The following TEX101 variants were observed in gnomAD, a reference collection of about 807,000 sequenced individuals.
TEX101 encodes testis-expressed protein 101.
TEX101 carries 10 observed loss-of-function variants against 18.1 expected under a neutral mutation model. The ratio of observed to expected loss-of-function variants is 0.55; its 90% confidence interval spans 0.34 to 0.94. The LOEUF (loss-of-function observed/expected upper bound fraction) is 0.94. TEX101 is among the 40% of genes least tolerant of loss of function. TEX101 has a pLI of 0.02. For missense variants in TEX101, 259 were observed against 298.9 expected (o/e 0.87, Z 0.98); for synonymous variants, 94 against 114.8 (o/e 0.82, Z 1.16).
rs1339587262 is a variant in TEX101 at position 43,415,888 on chromosome 19, C to T, written c.-32C>T. On this transcript the variant is annotated 5_prime_UTR_variant, in exon 2 of 6. Coordinates refer to ENST00000598265, the MANE Select transcript of TEX101 (RefSeq NM_001130011.3). ...TCTCCATCAAATTCACAGATCCAGA[C>T]CAGCTCCTCCCAGACCTCTCCAGAA... The T allele has an allele frequency of 6.2e-7, 1 of 1,614,002 alleles. No individual in the cohort carries two copies. The highest frequency in any genetic ancestry group is 1.7e-5 in the Admixed American group (1 of 60,014).
chr19:43,409,300 G>C (rs972230530), intron 3 of TEX101, among the ~76,000 whole-genome samples: 2 of 152,190 alleles, frequency 1.3e-5, no homozygotes, highest in Non-Finnish European at 2.9e-5. Flanking sequence ...GTGATTGGCT[G>C]AGACTCAGCT....
chr19:43,390,935 C>T, the TEX101 span, among the ~76,000 whole-genome samples: 1 of 152,106 alleles, frequency 6.6e-6, no homozygotes, highest in Non-Finnish European at 1.5e-5. Context: ...CTGACAACCA[C>T]CTTTTCATTT....
Position 43,418,532 on chromosome 19 carries a change from T to G in TEX101, c.*135T>G, listed in dbSNP as rs1206408813. The G allele has an allele frequency of 6.0e-5, 42 of 696,942 alleles. No homozygotes were observed. Among genetic ancestry groups the G allele is most frequent in the Non-Finnish European group, 8.3e-5 (35 of 423,284 alleles). The allele number at this position is 696,942 out of a possible 1,614,324, so 43.2% of individuals were successfully genotyped here. On this transcript the variant is annotated 3_prime_UTR_variant, in exon 6 of 6. Coordinates refer to ENST00000598265, the MANE Select transcript of TEX101 (RefSeq NM_001130011.3). ...AGATACTATGAACGTATTTGACATT[T>G]TTAATACAATTTCTGCTATAATTTT...
At chr19:43,413,234 G>A (rs111724957), upstream of TEX101, among the ~76,000 whole-genome samples, 11 of 152,244 alleles carry the variant, frequency 7.2e-5, no homozygotes, top group South Asian at 6.2e-4. Flanking sequence ...TTGGCCAGGC[G>A]TGGTGGCTCA....
At chr19:43,417,372 C>T (rs924919126) in intron 4 of TEX101, among the ~76,000 whole-genome samples, 1 of 152,160 alleles carries the variant, frequency 6.6e-6, no homozygotes, top group African/African-American at 2.4e-5. Context: ...ATGAGTCGTG[C>T]AACTTCTCAC....
rs541688813 is a variant in TEX101 at position 43,418,585 on chromosome 19, A to G, written c.*188A>G. 83 of 569,902 alleles carry G rather than the reference A, an allele frequency of 1.5e-4. 1 individual carries two copies. Among genetic ancestry groups the G allele is most frequent in the Non-Finnish European group, 2.4e-4 (78 of 325,884 alleles). The allele number at this position is 569,902 out of a possible 1,614,324, so 35.3% of individuals were successfully genotyped here. A position where few individuals can be genotyped will look rare whatever the true frequency, so the allele number is the denominator to read the frequency against. Reference sequence around the variant, plus strand: ...TATGCAGTAGGCGTTACTAATAAACATTTCTGCTGTGATTTGTGTATGTTT... The same window carrying G: ...TATGCAGTAGGCGTTACTAATAAACGTTTCTGCTGTGATTTGTGTATGTTT... On this transcript the variant is annotated 3_prime_UTR_variant, in exon 6 of 6. Coordinates refer to ENST00000598265, the MANE Select transcript of TEX101 (RefSeq NM_001130011.3).
upstream of TEX101, among the ~76,000 whole-genome samples, chr19:43,400,447 TG>T (rs1970309509): frequency 6.6e-6 from 1 of 152,238 alleles, no homozygotes; most frequent in Non-Finnish European, 1.5e-5. Flanking sequence ...GTTTCATATT[TG>T]TATCTCTTTT....
rs562540457 is a variant in TEX101 at position 43,417,834 on chromosome 19, G to A, written c.392-44G>A. 6 of 1,610,934 alleles carry A rather than the reference G, an allele frequency of 3.7e-6. No homozygotes were observed. The East Asian group carries it at 1.1e-4, about 30-fold the overall frequency. On this transcript the variant is annotated intron_variant, in intron 4 of 5. Transcript: ENST00000598265. Reference sequence around the variant, plus strand: ...GAAGGCAGCAAGGAGCAACATCTCTGGAGGCAGGACCTGCCCTTAACTGTC... The same window carrying A: ...GAAGGCAGCAAGGAGCAACATCTCTAGAGGCAGGACCTGCCCTTAACTGTC...
At chr19:43,393,021 G>A in the TEX101 span, among the ~76,000 whole-genome samples, 1 of 149,808 alleles carries the variant, frequency 6.7e-6, no homozygotes, top group African/African-American at 2.5e-5. Flanking sequence ...TTGTGCCACT[G>A]CACTCCAGCC....
the TEX101 span, among the ~76,000 whole-genome samples, chr19:43,394,603 TG>T: frequency 6.6e-6 from 1 of 152,036 alleles, no homozygotes; most frequent in African/African-American, 2.4e-5. Flanking sequence ...CTGGAGTAGC[TG>T]GGACTACAAG....
At chr19:43,412,633 G>A (rs755868469), upstream of TEX101, among the ~76,000 whole-genome samples, 1 of 152,080 alleles carries the variant, frequency 6.6e-6, no homozygotes, top group Non-Finnish European at 1.5e-5. Context: ...TCCCAAGCAC[G>A]AGCCCTCGGG....
chr19:43,416,125 G>C lies in TEX101; in HGVS notation c.91G>C (p.Gly31Arg). 2 of 1,612,866 alleles carry C rather than the reference G, an allele frequency of 1.2e-6. No individual in the cohort carries two copies. Among genetic ancestry groups the C allele is most frequent in the Non-Finnish European group, 1.7e-6 (2 of 1,179,422 alleles). The change falls in exon 3 of 6, where the codon GGT becomes CGT. Residue 31 changes from glycine (G) to arginine (R), a missense_variant. Gly to Arg is a moderately radical substitution (Grantham distance 125). Coordinates refer to ENST00000598265, the MANE Select transcript of TEX101 (RefSeq NM_001130011.3). Reference protein sequence around the residue: ...TSGLELYCQKGLSMTVEADPA... With the variant: ...TSGLELYCQKRLSMTVEADPA... ...GGGCCTAGAGCTGTATTGTCAAAAG[G>C]GTCTGTCCATGACTGTGGAAGCAGA...
At chr19:43,395,559 T>C in the TEX101 span, among the ~76,000 whole-genome samples, 1 of 152,240 alleles carries the variant, frequency 6.6e-6, no homozygotes, top group Non-Finnish European at 1.5e-5. Context: ...TGCTGAATGA[T>C]ACTGAGACCC....
chr19:43,397,393 C>T (rs1282869012), upstream of TEX101, among the ~76,000 whole-genome samples: 1 of 152,100 alleles, frequency 6.6e-6, no homozygotes, highest in Non-Finnish European at 1.5e-5. Context: ...TCCTTGATGT[C>T]TTTGCACCAA....
chr19:43,401,845 CA>C (rs888488881), intron 1 of TEX101, among the ~76,000 whole-genome samples: 150 of 133,452 alleles, frequency 1.1e-3, no homozygotes, highest in Admixed American at 1.3e-3. Context: ...AACTCTGTCT[CA>C]AAAAAAAAAA....
chr19:43,405,596 A>G (rs1419559312), intron 2 of TEX101, among the ~76,000 whole-genome samples: 1 of 150,484 alleles, frequency 6.6e-6, no homozygotes, highest in Non-Finnish European at 1.5e-5. Flanking sequence ...CAAAGACAAG[A>G]TCCAATAATA....
At chr19:43,405,491 A>G (rs1482420275) in intron 2 of TEX101, among the ~76,000 whole-genome samples, 7 of 145,804 alleles carry the variant, frequency 4.8e-5, no homozygotes, top group African/African-American at 5.2e-5. Context: ...GGCAGGCTTG[A>G]ACCTGGGAGG....
chr19:43,398,336 C>T (rs1040749302), upstream of TEX101, among the ~76,000 whole-genome samples: 2 of 145,032 alleles, frequency 1.4e-5, no homozygotes, highest in African/African-American at 5.1e-5. Context: ...AGTGCAGTGG[C>T]GCCATCTTCG....
At chr19:43,403,559 T>C (rs1051601284) in intron 2 of TEX101, among the ~76,000 whole-genome samples, 6 of 152,100 alleles carry the variant, frequency 3.9e-5, no homozygotes, top group Non-Finnish European at 7.4e-5. Flanking sequence ...GTTGTGCACA[T>C]GTACCCTAGA....
Sources: allele counts gnomAD v4.1 joint callset (sites outside exome capture counted in the v4.1 genomes callset), GRCh38; gene constraint gnomAD v4.1.1; transcripts MANE v1.5; gene names NCBI Gene and HGNC (gene_info 2026-07-23, HGNC 2026-07-21).